Variants in COL6A2 observed in about 807,000 individuals in gnomAD.
COL6A2 encodes the protein collagen type VI alpha 2 chain.
COL6A2 carries 90 observed loss-of-function variants against 124.9 expected under a neutral mutation model. The observed-to-expected ratio is 0.72, with a 90% CI of 0.61 to 0.86. The LOEUF is 0.86. Ranked by LOEUF, COL6A2 falls within the 40% of genes least tolerant of loss-of-function variation. The pLI is 0.00. For missense variants in COL6A2, 1,607 were observed against 1,502.5 expected, an observed-to-expected ratio of 1.07 and a Z score of -1.15; for synonymous variants, 793 against 618.2, an observed-to-expected ratio of 1.28 and a Z score of -4.19.
At chr21:46,125,201 G>A in intron 23 of COL6A2, 65 bp from the exon 24 acceptor site, 19 of 1,485,958 alleles carry the variant, frequency 1.3e-5, no homozygotes, top group Non-Finnish European at 1.8e-5. Context: ...CCCAGGCCAG[G>A]ACCTTGCTGT....
chr21:46,120,508 C>T lies in COL6A2; in HGVS notation c.1333-7C>T. The T allele has an allele frequency of 6.6e-7, 1 of 1,514,346 alleles. No individual in the cohort carries two copies. The highest frequency in any genetic ancestry group is 8.8e-7 in the Non-Finnish European group (1 of 1,133,300). The allele number at this position is 1,514,346 out of a possible 1,614,324, so 93.8% of individuals were successfully genotyped here. On this transcript the variant is annotated splice_polypyrimidine_tract_variant and splice_region_variant and intron_variant, in intron 15 of 27. Transcript: ENST00000300527. ...AGACCCGTGGGGCCTCCCTTCCCTTCCCACAGGGGGACCCTGGCCCTGAGG... is the reference window on the plus strand; with the variant it reads ...AGACCCGTGGGGCCTCCCTTCCCTTTCCACAGGGGGACCCTGGCCCTGAGG...
rs2078558946 is a variant in COL6A2, at chr21:46,121,087, A to AG, written c.1424dup (p.Gln477ProfsTer18). ...GAGACCGAGGCTTGCCTGGACCCAG[A>AG]GGCCCCCAGGGAGCTCTTGGGGAGC... On this transcript the variant is annotated frameshift_variant, in exon 17 of 28. Coordinates refer to ENST00000300527, the MANE Select transcript of COL6A2 (RefSeq NM_001849.4). LOFTEE classifies it high-confidence loss of function. The AG allele has an allele frequency of 2.5e-6, 4 of 1,612,644 alleles. No individual in the cohort carries two copies. The highest frequency in any genetic ancestry group is 3.4e-6 in the Non-Finnish European group (4 of 1,179,944).
chr21:46,129,578 G>T (rs1181790567), intron 27 of COL6A2: 2 of 1,452,072 alleles, frequency 1.4e-6, no homozygotes, highest in Admixed American at 2.7e-5. Flanking sequence ...TCTCAGTGGA[G>T]GCCAGAGATC....
At chr21:46,114,354 A>G (rs1336168043) in intron 5 of COL6A2, among the ~76,000 whole-genome samples, 3 of 151,582 alleles carry the variant, frequency 2.0e-5, no homozygotes, top group East Asian at 3.9e-4. Context: ...GAACCTGGGA[A>G]GCGGAGGTTG....
chr21:46,118,133 C>G (rs1007477193), intron 12 of COL6A2, among the ~76,000 whole-genome samples, 197 bp downstream of exon 12: 1 of 152,026 alleles, frequency 6.6e-6, no homozygotes, highest in Non-Finnish European at 1.5e-5. Flanking sequence ...CTTGGGCGGC[C>G]CCGCCGCTGC....
Position 46,132,259 on chromosome 21 carries a change from C to T in COL6A2, c.2767C>T (p.His923Tyr). 1.9e-6 allele frequency: 3 copies of T among 1,606,052 alleles called. No individual in the cohort carries two copies. The highest frequency in any genetic ancestry group is 1.1e-5 in the South Asian group (1 of 90,486). The stretch of plus-strand genomic sequence containing the variant: ...CTCGCACGTGGGCGCAGGCGTGGTG[C>T]ACGCCATCAATGCCATCGTGCGCAG... ...SFSHVGAGVV[H>Y]AINAIVRSPR... The change falls in exon 28 of 28, where the codon CAC becomes TAC. Residue 923 changes from histidine to tyrosine, a missense_variant. Transcript: ENST00000300527.
rs773058625 is a variant in COL6A2 at position 46,112,521 on chromosome 21, C to G, written c.658C>G (p.Leu220Val). The change falls in exon 3 of 28, where the codon CTG becomes GTG. Residue 220 changes from leucine (L) to valine (V), a missense_variant. Physicochemically the swap from Leu to Val is conservative, Grantham distance 32 (BLOSUM62 1). This residue lies in a region of COL6A2 where 342 missense variants were observed against 381.5 expected (regional missense o/e 0.90). Transcript: ENST00000300527. ...CTACCGCAACGACTACGCCACCATG[C>G]TGCCCGACTCCACCGAGATCGACCA... ...ELYRNDYATM[L>V]PDSTEIDQDT... The G allele has an allele frequency of 6.2e-7, 1 of 1,610,646 alleles. No homozygotes were observed. Among genetic ancestry groups the G allele is most frequent in the South Asian group, 1.1e-5 (1 of 91,018 alleles).
In COL6A2 at chr21:46,132,702, A is replaced by G. The variant is rs1014808015; in HGVS notation, c.*150A>G. ...CCAGCTCCTCCCACGGGGTCCCCGT[A>G]GCCCCGGCCCCCGCCCAGCCCCAGG... On this transcript the variant is annotated 3_prime_UTR_variant, in exon 28 of 28. Coordinates refer to ENST00000300527, the MANE Select transcript of COL6A2 (RefSeq NM_001849.4). 2.5e-6 allele frequency: 2 copies of G among 803,952 alleles called. No homozygotes were observed. Among genetic ancestry groups the G allele is most frequent in the Non-Finnish European group, 4.0e-6 (2 of 504,674 alleles). 49.8% of individuals were successfully genotyped at this position (803,952 alleles called of 1,614,324 possible). A position where few individuals can be genotyped will look rare whatever the true frequency, so the allele number is the denominator to read the frequency against.
In COL6A2 at chr21:46,119,286, A is replaced by T. The variant is rs530264332; in HGVS notation, c.1269+167A>T. ...AAGTGGACCCGGACCACCCCACGGG[A>T]CCCCCCAGAGCTGGACTTAGAGGTA... On this transcript the variant is annotated intron_variant, in intron 14 of 27. Coordinates refer to ENST00000300527, the MANE Select transcript of COL6A2 (RefSeq NM_001849.4). Among the ~76,000 whole-genome samples the T allele has an allele frequency of 3.6e-4, 54 of 151,946 alleles. 1 individual carries two copies. In the East Asian group the frequency reaches 4.7e-3, roughly 13 times the overall value.
intron 14 of COL6A2, among the ~76,000 whole-genome samples, 192 bp from the exon 15 acceptor site, chr21:46,119,596 A>G (rs1353023557): frequency 6.6e-6 from 1 of 152,186 alleles, no homozygotes; most frequent in East Asian, 1.9e-4. Flanking sequence ...CAGCAGAGGG[A>G]CGAGGGCTGG....
At chr21:46,123,049 G>C (rs2078592014) in intron 21 of COL6A2, 112 bp downstream of exon 21, 1 of 1,065,974 alleles carries the variant, frequency 9.4e-7, no homozygotes, top group African/African-American at 1.6e-5. Flanking sequence ...CTTGGCCCCA[G>C]CCATGAGCAC....
chr21:46,118,365 A>C (rs1227821609), intron 12 of COL6A2, among the ~76,000 whole-genome samples: 3 of 152,174 alleles, frequency 2.0e-5, no homozygotes, highest in Non-Finnish European at 2.9e-5. Flanking sequence ...ACCTTCCCTC[A>C]GCCCAAGCCC....
Position 46,128,021 on chromosome 21 carries a change from G to A in COL6A2, c.2461+1480G>A, listed in dbSNP as rs560470319. 5.9e-5 allele frequency among the ~76,000 whole-genome samples: 9 copies of A among 152,178 alleles called. No homozygotes were observed. The South Asian group carries it at 8.3e-4, about 14-fold the overall frequency. On this transcript the variant is annotated intron_variant, in intron 27 of 27. Transcript: ENST00000300527. ...TGCCTGAGGGTTTGCGCTTATCGGCGACATCAGCCTGCACTTTTCTTTTCT... is the reference window on the plus strand; with the variant it reads ...TGCCTGAGGGTTTGCGCTTATCGGCAACATCAGCCTGCACTTTTCTTTTCT...
rs1453098862 is a variant in COL6A2 at position 46,125,843 on chromosome 21, G to C, written c.2028G>C (p.Leu676=). ...AGGGCACCTTTGAGGCCATCCAGCT[G>C]GACGACGAACGTATCGACTCCCTGT... ...SHEGTFEAIQ[L]DDERIDSLSS... Residue 676 remains leucine, a synonymous_variant, in exon 26 of 28, where the codon CTG becomes CTC. Transcript: ENST00000300527. 1.2e-6 allele frequency: 2 copies of C among 1,613,064 alleles called. No individual in the cohort carries two copies. The highest frequency in any genetic ancestry group is 8.5e-7 in the Non-Finnish European group (1 of 1,180,002).
At chr21:46,120,843 G>T (rs1353573262) in intron 16 of COL6A2, among the ~76,000 whole-genome samples, 2 of 152,120 alleles carry the variant, frequency 1.3e-5, no homozygotes, top group African/African-American at 2.4e-5. Context: ...CAAGATAGGG[G>T]TGCTTAGGCA....
At position 46,125,288 on chromosome 21, in the gene COL6A2, T is replaced by C. The variant is rs2078643208; in HGVS notation, c.1793T>C (p.Val598Ala). Residue 598 changes from valine (V) to alanine (A), a missense_variant, in exon 24 of 28, where the codon GTG (valine) becomes GCG (alanine). This residue lies in a region of COL6A2 where 1,223 missense variants were observed against 1,052.2 expected (regional missense o/e 1.16). Transcript: ENST00000300527. ...CAGGAGTGTGACGTCATGACCTACG[T>C]GAGGGAGACCTGCGGGTGCTGCGGT... ...GLTECDVMTYVRETCGCCDCE... is the reference protein window; with the variant it reads ...GLTECDVMTYARETCGCCDCE... The C allele has an allele frequency of 5.6e-6, 9 of 1,611,906 alleles. No homozygotes were observed. The highest frequency in any genetic ancestry group is 6.8e-6 in the Non-Finnish European group (8 of 1,179,464).
rs886057167 is a variant in COL6A2, at chr21:46,124,727, C to T, written c.1734+14C>T. 8.1e-6 allele frequency: 13 copies of T among 1,612,010 alleles called. No individual in the cohort carries two copies. In the Middle Eastern group the frequency reaches 6.6e-4, roughly 82 times the overall value. On this transcript the variant is annotated intron_variant, in intron 22 of 27. Transcript: ENST00000300527. ...CCAGGACCCGAGGTAGGTTGGTGGC[C>T]AGTCCCCATGCCCTCCCCCCAACCT...
At chr21:46,124,584 G>GGGCCCTGCTGTGTGCAGGGACT in intron 21 of COL6A2, 67 bp from the exon 22 acceptor site, 1 of 1,500,062 alleles carries the variant, frequency 6.7e-7, no homozygotes, top group Non-Finnish European at 9.3e-7. Flanking sequence ...ACAGCACAGG[G>GGGCCCTGCTGTGTGCAGGGACT]GGCCCTGCTG....
chr21:46,098,385 C>G (rs1449445008), intron 1 of COL6A2, among the ~76,000 whole-genome samples: 1 of 151,688 alleles, frequency 6.6e-6, no homozygotes, highest in African/African-American at 2.4e-5. Flanking sequence ...TCTCTGGGTC[C>G]GACCCTCGGG....
Sources: allele counts gnomAD v4.1 joint callset (sites outside exome capture counted in the v4.1 genomes callset), GRCh38; gene constraint gnomAD v4.1.1; regional missense constraint gnomAD v4.1.1; transcripts MANE v1.5; gene names NCBI Gene and HGNC (gene_info 2026-07-23, HGNC 2026-07-21).